Variants in HPSE2 observed in about 807,000 individuals in gnomAD.
HPSE2 encodes heparanase 2 (inactive).
In HPSE2, 38 loss-of-function variants were observed where a neutral mutation model predicts 60.5. The observed-to-expected ratio is 0.63, with a 90% CI of 0.48 to 0.82. The LOEUF is 0.82. Ranked by LOEUF, HPSE2 falls within the 40% of genes least tolerant of loss-of-function variation. HPSE2 has a pLI of 0.00. For synonymous variants in HPSE2, 295 were observed against 293.2 expected (o/e 1.01, Z -0.06); for missense variants, 713 against 740.4 (o/e 0.96, Z 0.43).
intron 9 of HPSE2, among the ~76,000 whole-genome samples, chr10:98,602,486 T>G (rs1945455840): frequency 6.6e-6 from 1 of 152,132 alleles, no homozygotes; most frequent in African/African-American, 2.4e-5. Context: ...AACATATTCA[T>G]TTTTGCAGTT....
At chr10:98,544,439 G>A (rs369253245) in intron 9 of HPSE2, among the ~76,000 whole-genome samples, 302 of 152,118 alleles carry the variant, frequency 2.0e-3, no homozygotes, top group African/African-American at 5.7e-3. Context: ...GGCCGGGCGC[G>A]GTGGCTCACG....
rs138195107 is a variant in HPSE2 at position 98,965,703 on chromosome 10, C to A, written c.610+178535G>T. Among the ~76,000 whole-genome samples the A allele has an allele frequency of 9.8e-4, 149 of 152,294 alleles. 2 individuals are homozygous for A. The highest frequency in any genetic ancestry group is 3.3e-3 in the African/African-American group (137 of 41,568). On this transcript the variant is annotated intron_variant, in intron 3 of 11. Coordinates refer to ENST00000370552, the MANE Select transcript of HPSE2 (RefSeq NM_021828.5). The stretch of plus-strand genomic sequence containing the variant: ...TCTATGAAGTCTTCAACATAAACCT[C>A]ATCTAAAAGTGGTCATTGCCTCTAG...
At chr10:98,680,879 C>T (rs1366725914) in intron 6 of HPSE2, among the ~76,000 whole-genome samples, 2 of 152,036 alleles carry the variant, frequency 1.3e-5, no homozygotes, top group South Asian at 2.1e-4. Flanking sequence ...TCTCAGCCCC[C>T]AGAATAACTG....
intron 3 of HPSE2, among the ~76,000 whole-genome samples, chr10:98,898,275 A>C (rs764959168): frequency 7.2e-5 from 11 of 152,304 alleles, no homozygotes; most frequent in Non-Finnish European, 1.5e-4. Context: ...GAAACCCTAC[A>C]TGTGAATGTT....
At chr10:98,930,385 T>C (rs1387056230) in intron 3 of HPSE2, among the ~76,000 whole-genome samples, 3 of 144,620 alleles carry the variant, frequency 2.1e-5, no homozygotes, top group Admixed American at 6.9e-5. Context: ...CAGTCTATCA[T>C]TGATGAGCAT....
intron 3 of HPSE2, among the ~76,000 whole-genome samples, chr10:98,972,799 C>T (rs542520427): frequency 3.5e-4 from 53 of 152,222 alleles, no homozygotes; most frequent in South Asian, 8.3e-4. Context: ...TGTAGTCCTG[C>T]CCTTAATCAG....
intron 3 of HPSE2, among the ~76,000 whole-genome samples, chr10:98,929,139 AC>A (rs1564664184): frequency 7.0e-6 from 1 of 143,526 alleles, no homozygotes; most frequent in Non-Finnish European, 1.5e-5. Context: ...TCCTATTAAT[AC>A]TCATGGTATA....
chr10:98,732,668 CA>C (rs1949256646), intron 4 of HPSE2, among the ~76,000 whole-genome samples: 1 of 151,998 alleles, frequency 6.6e-6, no homozygotes, highest in African/African-American at 2.4e-5. Flanking sequence ...AGAGCTAAAA[CA>C]ATGAAACTTT....
At chr10:99,040,141 C>A (rs1957705288) in intron 3 of HPSE2, among the ~76,000 whole-genome samples, 1 of 152,100 alleles carries the variant, frequency 6.6e-6, no homozygotes, top group Admixed American at 6.6e-5. Flanking sequence ...ACAGATAATT[C>A]TTCAAATTGC....
At position 98,933,507 on chromosome 10, in the gene HPSE2, T is replaced by C. The variant is rs557490795; in HGVS notation, c.611-189451A>G. 8.1e-4 allele frequency among the ~76,000 whole-genome samples: 117 copies of C among 143,704 alleles called. 20 individuals carry two copies. In the Middle Eastern group the frequency reaches 0.011, roughly 13 times the overall value. The allele number at this position is 143,704 out of a possible 152,430, so 94.3% of individuals were successfully genotyped here. A position where few individuals can be genotyped will look rare whatever the true frequency, so the allele number is the denominator to read the frequency against. On this transcript the variant is annotated intron_variant, in intron 3 of 11. Transcript: ENST00000370552. ...AGCTGAGTTCAAGTCCTGGATATCT[T>C]TGTTAATTTTCTGTCTCAATGATCT... is the stretch of plus-strand genomic sequence containing the variant.
At chr10:98,874,843 C>G (rs1019051813) in intron 3 of HPSE2, among the ~76,000 whole-genome samples, 1 of 151,864 alleles carries the variant, frequency 6.6e-6, no homozygotes, top group Non-Finnish European at 1.5e-5. Context: ...TTATCATAGG[C>G]CTTTTCCGGA....
chr10:98,628,679 G>A (rs1946280812), intron 7 of HPSE2, among the ~76,000 whole-genome samples: 1 of 152,092 alleles, frequency 6.6e-6, no homozygotes. Flanking sequence ...CCTGAAAATT[G>A]CTCAGTAAAG....
intron 5 of HPSE2, among the ~76,000 whole-genome samples, chr10:98,710,660 G>C (rs72840584): frequency 0.015 from 2,293 of 152,170 alleles, 32 homozygotes; most frequent in African/African-American, 0.03. Context: ...TGTAAGGTTG[G>C]TATTATTAAT....
At chr10:99,289,772 T>C in the HPSE2 span, among the ~76,000 whole-genome samples, 1 of 152,230 alleles carries the variant, frequency 6.6e-6, no homozygotes, top group African/African-American at 2.4e-5. Context: ...TTATTTGTAA[T>C]GTTCTTTCAC....
intron 3 of HPSE2, among the ~76,000 whole-genome samples, chr10:98,803,080 A>G (rs1463288651): frequency 6.6e-6 from 1 of 151,530 alleles, no homozygotes; most frequent in African/African-American, 2.4e-5. Context: ...AGTGATGGTG[A>G]GCATTTTTTC....
At chr10:99,304,451 T>A in the HPSE2 span, among the ~76,000 whole-genome samples, 3 of 152,258 alleles carry the variant, frequency 2.0e-5, no homozygotes, top group Non-Finnish European at 4.4e-5. Context: ...CACTGCTTAT[T>A]CAATAATGCT....
chr10:98,958,242 T>C (rs941739945), intron 3 of HPSE2, among the ~76,000 whole-genome samples: 1 of 152,128 alleles, frequency 6.6e-6, no homozygotes, highest in Non-Finnish European at 1.5e-5. Flanking sequence ...TGTATACATA[T>C]ACAACAGCTA....
chr10:99,059,340 C>T (rs146841286), intron 3 of HPSE2, among the ~76,000 whole-genome samples: 1 of 152,166 alleles, frequency 6.6e-6, no homozygotes. Flanking sequence ...ATTTTTCGCT[C>T]TCAGGATCAG....
chr10:98,726,012 T>C (rs1000701098), intron 4 of HPSE2, among the ~76,000 whole-genome samples: 2 of 152,098 alleles, frequency 1.3e-5, no homozygotes, highest in Admixed American at 6.6e-5. Context: ...TGTGGAGAAA[T>C]AGGAACACTT....
Sources: allele counts gnomAD v4.1 joint callset (sites outside exome capture counted in the v4.1 genomes callset), GRCh38; gene constraint gnomAD v4.1.1; transcripts MANE v1.5; gene names NCBI Gene and HGNC (gene_info 2026-07-23, HGNC 2026-07-21).